Variants in ZNF385D observed in about 807,000 individuals in gnomAD.
ZNF385D encodes zinc finger protein 385D.
In ZNF385D, 15 loss-of-function variants were observed where a neutral mutation model predicts 35.8. That is an observed-to-expected ratio of 0.42 (90% CI 0.28 to 0.64). ZNF385D has a LOEUF of 0.64. Ranked by LOEUF, ZNF385D falls within the 30% of genes least tolerant of loss-of-function variation. ZNF385D has a pLI of 0.23. For synonymous variants in ZNF385D, 212 were observed against 186.8 expected (o/e 1.13, Z -1.10); for missense variants, 474 against 494.6 (o/e 0.96, Z 0.39).
At chr3:21,908,634 A>G (rs1273190459) in intron 3 of ZNF385D, among the ~76,000 whole-genome samples, 2 of 152,110 alleles carry the variant, frequency 1.3e-5, no homozygotes, top group African/African-American at 2.4e-5. Flanking sequence ...CCTGTAAGTC[A>G]GGACTTTTAA....
At chr3:22,179,116 G>T (rs531656530) in intron 2 of ZNF385D, among the ~76,000 whole-genome samples, 27 of 152,110 alleles carry the variant, frequency 1.8e-4, no homozygotes, top group Non-Finnish European at 3.5e-4. Flanking sequence ...TTCCAGTTCT[G>T]TGAAGAAGGT....
intron 4 of ZNF385D, among the ~76,000 whole-genome samples, chr3:21,496,318 T>C (rs1203794411): frequency 2.0e-5 from 3 of 146,654 alleles, no homozygotes; most frequent in South Asian, 4.2e-4. Context: ...TTATTTACTC[T>C]TTATCTCTGC....
At chr3:21,663,955 C>A (rs999757074) in intron 2 of ZNF385D, among the ~76,000 whole-genome samples, 8 of 124,800 alleles carry the variant, frequency 6.4e-5, no homozygotes, top group African/African-American at 2.3e-4. Context: ...CAAGATATTG[C>A]AACAAGAAAG....
At chr3:21,882,828 G>C (rs1252173643) in intron 3 of ZNF385D, among the ~76,000 whole-genome samples, 1 of 151,954 alleles carries the variant, frequency 6.6e-6, no homozygotes, top group Non-Finnish European at 1.5e-5. Context: ...TTTATGAAGA[G>C]CATAGCTACT....
chr3:22,107,750 T>C (rs2125637697), intron 3 of ZNF385D, among the ~76,000 whole-genome samples: 1 of 152,272 alleles, frequency 6.6e-6, no homozygotes, highest in African/African-American at 2.4e-5. Context: ...ACTGTATGTA[T>C]ATATTTCTCT....
chr3:21,634,824 T>C (rs1413960194), intron 2 of ZNF385D, among the ~76,000 whole-genome samples: 1 of 152,042 alleles, frequency 6.6e-6, no homozygotes, highest in Non-Finnish European at 1.5e-5. Flanking sequence ...TACTCTTTTT[T>C]TTTTTGGATG....
At chr3:22,367,059 C>T (rs927506388) in intron 2 of ZNF385D, among the ~76,000 whole-genome samples, 1 of 152,144 alleles carries the variant, frequency 6.6e-6, no homozygotes, top group Non-Finnish European at 1.5e-5. Context: ...AGAATATATT[C>T]TTATTGTTTT....
intron 4 of ZNF385D, among the ~76,000 whole-genome samples, chr3:21,487,320 A>G (rs1575030587): frequency 6.6e-6 from 1 of 152,064 alleles, no homozygotes; most frequent in African/African-American, 2.4e-5. Flanking sequence ...GCAGTTCACA[A>G]TTAGTTACTT....
chr3:21,675,571 C>A (rs547342557), intron 1 of ZNF385D, among the ~76,000 whole-genome samples: 4 of 151,974 alleles, frequency 2.6e-5, no homozygotes, highest in East Asian at 3.9e-4. Context: ...TCAGAGATTG[C>A]CCTTTTTTGA....
intron 3 of ZNF385D, among the ~76,000 whole-genome samples, chr3:22,044,394 A>G (rs1346705870): frequency 1.3e-5 from 2 of 152,104 alleles, no homozygotes; most frequent in Non-Finnish European, 2.9e-5. Flanking sequence ...AGATCTGAGC[A>G]CCCTTTGGCC....
chr3:22,194,131 T>A (rs951517765), intron 2 of ZNF385D, among the ~76,000 whole-genome samples: 2 of 151,834 alleles, frequency 1.3e-5, no homozygotes, highest in East Asian at 3.8e-4. Context: ...TTATTATTTT[T>A]AAGAGTTTTA....
At chr3:21,907,553 C>A (rs1575884664) in intron 3 of ZNF385D, among the ~76,000 whole-genome samples, 1 of 152,114 alleles carries the variant, frequency 6.6e-6, no homozygotes, top group African/African-American at 2.4e-5. Context: ...AATAGCACTG[C>A]TATGGACATT....
At chr3:21,612,180 G>A (rs1302279865) in intron 2 of ZNF385D, among the ~76,000 whole-genome samples, 1 of 152,120 alleles carries the variant, frequency 6.6e-6, no homozygotes, top group Non-Finnish European at 1.5e-5. Context: ...CCAGGTCCTG[G>A]TTCAAGCAAT....
chr3:22,160,579 G>T (rs74901456), intron 3 of ZNF385D, among the ~76,000 whole-genome samples: 6 of 152,044 alleles, frequency 3.9e-5, no homozygotes, highest in African/African-American at 1.2e-4. Context: ...AAAAAGAATA[G>T]ATCAGTGAGA....
intron 2 of ZNF385D, among the ~76,000 whole-genome samples, chr3:22,277,989 A>G (rs1013254426): frequency 1.4e-4 from 22 of 151,916 alleles, no homozygotes; most frequent in Non-Finnish European, 2.8e-4. Flanking sequence ...AGTCTTTCTG[A>G]TTTCTCCTAC....
At chr3:21,463,720 G>A (rs1238146527) in intron 4 of ZNF385D, among the ~76,000 whole-genome samples, 4 of 152,158 alleles carry the variant, frequency 2.6e-5, no homozygotes, top group Non-Finnish European at 4.4e-5. Flanking sequence ...CAAATATCTG[G>A]AAATCAGGAG....
At chr3:21,505,898 A>G (rs1706739166) in intron 4 of ZNF385D, among the ~76,000 whole-genome samples, 1 of 152,136 alleles carries the variant, frequency 6.6e-6, no homozygotes, top group Admixed American at 6.6e-5. Flanking sequence ...ATCTCATTGA[A>G]TATGTATACT....
intron 2 of ZNF385D, among the ~76,000 whole-genome samples, chr3:21,588,324 C>T (rs1254872683): frequency 6.6e-6 from 1 of 152,138 alleles, no homozygotes; most frequent in East Asian, 1.9e-4. Flanking sequence ...TTAAGACTTT[C>T]ATCTCATAGC....
chr3:21,890,110 C>CAT (rs1425194775), intron 3 of ZNF385D, among the ~76,000 whole-genome samples: 7 of 152,214 alleles, frequency 4.6e-5, no homozygotes, highest in South Asian at 2.1e-4. Context: ...TGGCTTCAAA[C>CAT]ATATATATAT....
Sources: gnomAD v4.1 joint callset for allele counts (sites outside exome capture counted in the v4.1 genomes callset) on GRCh38, gnomAD v4.1.1 for gene constraint, MANE v1.5 for transcripts, NCBI Gene and HGNC (gene_info 2026-07-23, HGNC 2026-07-21) for gene names.